KRT16: variants seen among roughly 807,000 people sequenced by gnomAD.
KRT16 encodes the protein keratin, type I cytoskeletal 16.
Under a neutral mutation model 44.8 loss-of-function variants are expected in KRT16, and 42 were observed. That is an observed-to-expected ratio of 0.94 (90% CI 0.73 to 1.21). The LOEUF (loss-of-function observed/expected upper bound fraction) is 1.21, where lower values mean the gene tolerates loss of function less well. KRT16 is among the 50% of genes most tolerant of loss of function. The pLI is 0.00. For synonymous variants in KRT16, 226 were observed against 260.4 expected (o/e 0.87, Z 1.27); for missense variants, 561 against 626.9 (o/e 0.89, Z 1.12).
At position 41,609,788 on chromosome 17, in the gene KRT16, C is replaced by T. The variant is rs533268251; in HGVS notation, c.*147G>A. On this transcript the variant is annotated 3_prime_UTR_variant, in exon 8 of 8. Transcript: ENST00000301653. Reference sequence around the variant, plus strand: ...CAGAGATCACACAGGTTTGCATCAACCAGAAAGTCAGCTTTATTAGCCCAC... The same window carrying T: ...CAGAGATCACACAGGTTTGCATCAATCAGAAAGTCAGCTTTATTAGCCCAC... 8 of 721,132 alleles carry T rather than the reference C, an allele frequency of 1.1e-5. No homozygotes were observed. Among genetic ancestry groups the T allele is most frequent in the Middle Eastern group, 3.6e-4 (1 of 2,778 alleles). The allele number at this position is 721,132 out of a possible 1,614,324, so 44.7% of individuals were successfully genotyped here. A position where few individuals can be genotyped will look rare whatever the true frequency, so the allele number is the denominator to read the frequency against.
rs754709110 is a variant in KRT16 at position 41,610,507 on chromosome 17, G to A, written c.1104C>T (p.Tyr368=). ...CCTGGATCTGGGACAGCTGCATGCA[G>A]TAGCGGCCTTTGGTCTCCTCCAGGC... ...ENSLEETKGR[Y]CMQLSQIQGL... is the part of the protein sequence containing the mutation. The change falls in exon 6 of 8, where the codon TAC becomes TAT. Residue 368 remains tyrosine, a synonymous_variant. Coordinates refer to ENST00000301653, the MANE Select transcript of KRT16 (RefSeq NM_005557.4). 5.6e-6 allele frequency: 9 copies of A among 1,612,140 alleles called. No individual in the cohort carries two copies. The highest frequency in any genetic ancestry group is 1.7e-5 in the Admixed American group (1 of 60,022).
rs201459436 is a variant in KRT16, at chr17:41,610,936, A to C, written c.977T>G (p.Val326Gly). The change falls in exon 5 of 8, where the codon GTA becomes GGA. Residue 326 changes from valine to glycine, a missense_variant. Coordinates refer to ENST00000301653, the MANE Select transcript of KRT16 (RefSeq NM_005557.4). ...NKEVASNSEL[V>G]QSSRSEVTEL... ...CGTCACCTCACTGCGGCTGCTCTGT[A>C]CCAGTTCGCTGTTGGAGGCCACTTC... 6.2e-7 allele frequency: 1 copy of C among 1,614,064 alleles called. No homozygotes were observed. Among genetic ancestry groups the C allele is most frequent in the African/African-American group, 1.3e-5 (1 of 75,012 alleles).
In KRT16 at chr17:41,612,611, G is replaced by A. The variant is rs374940369; in HGVS notation, c.78C>T (p.Gly26=). 2.8e-5 allele frequency: 44 copies of A among 1,594,784 alleles called. No homozygotes were observed. Among genetic ancestry groups the A allele is most frequent in the South Asian group, 2.6e-4 (23 of 89,160 alleles). ...GGACGGAGGAGATGCGGCTGGAGCC[G>A]CCCCCGATGCCGCCTCCGATGCCGC... ...GSCGIGGGIG[G]GSSRISSVLA... is the part of the protein sequence containing the mutation. Residue 26 remains glycine (G), a synonymous_variant, in exon 1 of 8, where the codon GGC becomes GGT. Coordinates refer to ENST00000301653, the MANE Select transcript of KRT16 (RefSeq NM_005557.4).
rs372994057 is a variant in KRT16, at chr17:41,611,235, G to A, written c.772-5C>T. 7 of 1,613,994 alleles carry A rather than the reference G, an allele frequency of 4.3e-6. No individual in the cohort carries two copies. The highest frequency in any genetic ancestry group is 2.2e-5 in the East Asian group (1 of 44,888). ...ACCTCTCAGAGCAAGCATCTCCTGG[G>A]AAGGGATGGCAGGAGGCGGTCAGTT... is the stretch of plus-strand genomic sequence containing the variant. On this transcript the variant is annotated splice_polypyrimidine_tract_variant and splice_region_variant and intron_variant, in intron 3 of 7. Coordinates refer to ENST00000301653, the MANE Select transcript of KRT16 (RefSeq NM_005557.4).
chr17:41,611,409 T>A lies in KRT16; in HGVS notation c.707A>T (p.Asp236Val). The change falls in exon 3 of 8, where the codon GAC becomes GTC. Residue 236 changes from aspartate (D) to valine (V), a missense_variant. Asp to Val is a radical substitution (Grantham distance 152, BLOSUM62 -3). Coordinates refer to ENST00000301653, the MANE Select transcript of KRT16 (RefSeq NM_005557.4). Reference protein sequence around the residue: ...VLDELTLARTDLEMQIEGLKE... With the variant: ...VLDELTLARTVLEMQIEGLKE... ...CAGGCCTTCGATCTGCATCTCCAGG[T>A]CAGTCCTGGCCAGGGTCAGCTCATC... 1 of 1,614,190 alleles carries A rather than the reference T, an allele frequency of 6.2e-7. No individual in the cohort carries two copies.
In KRT16 at chr17:41,610,224, C is replaced by T; in HGVS notation, c.1293G>A (p.Gln431=). The T allele has an allele frequency of 6.2e-7, 1 of 1,613,964 alleles. No homozygotes were observed. The highest frequency in any genetic ancestry group is 8.5e-7 in the Non-Finnish European group (1 of 1,179,848). The change falls in exon 7 of 8, where the codon CAG becomes CAA. Residue 431 remains glutamine (Q), a synonymous_variant. Coordinates refer to ENST00000301653, the MANE Select transcript of KRT16 (RefSeq NM_005557.4). The part of the protein sequence containing the change: ...LEGEDAHLSS[Q]QASGQSYSSR... The stretch of plus-strand genomic sequence containing the variant: ...AAGAATAGGATTGGCCAGATGCTTG[C>T]TGGGAGGAAAGGCTGTGGGAGAGAA...
intron 7 of KRT16, 50 bp from the exon 8 acceptor site, chr17:41,610,079 C>G (rs2144601769): frequency 6.3e-7 from 1 of 1,579,996 alleles, no homozygotes; most frequent in African/African-American, 1.3e-5. Flanking sequence ...GCTAAGCTGA[C>G]TCCAGGGCAG....
rs1458432885 is a variant in KRT16 at position 41,611,162 on chromosome 17, C to T, written c.840G>A (p.Val280=). The T allele has an allele frequency of 6.2e-7, 1 of 1,614,020 alleles. No individual in the cohort carries two copies. The highest frequency in any genetic ancestry group is 8.5e-7 in the Non-Finnish European group (1 of 1,179,876). ...VNVEMDAAPG[V]DLSRILNEMR... ...TCTCATTCAGGATGCGGCTCAGGTC[C>T]ACGCCAGGTGCAGCATCCATCTCCA... The change falls in exon 4 of 8, where the codon GTG becomes GTA. Residue 280 remains valine (V), a synonymous_variant. Transcript: ENST00000301653.
At chr17:41,610,129 GC>G in intron 7 of KRT16, 60 bp downstream of exon 7, 3 of 1,604,322 alleles carry the variant, frequency 1.9e-6, no homozygotes, top group Non-Finnish European at 1.7e-6. Flanking sequence ...GAAGGGCCCA[GC>G]CCCCACTCCA....
rs1274095481 is a variant in KRT16 at position 41,612,714 on chromosome 17, T to C, written c.-26A>G. ...GGTGCCAAGGAGGGAGGTGAGCGAG[T>C]GAGCAGTTGGCTGAAAGAAGGAAAG... is the stretch of plus-strand genomic sequence containing the variant. On this transcript the variant is annotated 5_prime_UTR_variant, in exon 1 of 8. Coordinates refer to ENST00000301653, the MANE Select transcript of KRT16 (RefSeq NM_005557.4). 1.9e-6 allele frequency: 3 copies of C among 1,567,092 alleles called. No individual in the cohort carries two copies. Among genetic ancestry groups the C allele is most frequent in the East Asian group, 2.3e-5 (1 of 42,786 alleles).
rs766744891 is a variant in KRT16, at chr17:41,612,112, T to G, written c.531+46A>C. 11 of 1,609,452 alleles carry G rather than the reference T, an allele frequency of 6.8e-6. No homozygotes were observed. The African/African-American group carries it at 1.3e-4, about 20-fold the overall frequency. On this transcript the variant is annotated intron_variant, in intron 1 of 7. Coordinates refer to ENST00000301653, the MANE Select transcript of KRT16 (RefSeq NM_005557.4). ...TAAAAAGAGGTATCCCAAGGGCCAC[T>G]GTAGCCCCAGCCTCTCTCAGTGCTC...
At position 41,612,198 on chromosome 17, in the gene KRT16, T is replaced by C. The variant is rs776917664; in HGVS notation, c.491A>G (p.Tyr164Cys). 1.1e-5 allele frequency: 18 copies of C among 1,612,716 alleles called. No individual in the cohort carries two copies. In the South Asian group the frequency reaches 1.4e-4, roughly 13 times the overall value. The change falls in exon 1 of 8, where the codon TAC (tyrosine) becomes TGC (cysteine). Residue 164 changes from tyrosine (Y) to cysteine (C), a missense_variant. By Grantham distance (194) the Tyr-to-Cys change is radical (BLOSUM62 -2). Coordinates refer to ENST00000301653, the MANE Select transcript of KRT16 (RefSeq NM_005557.4). ...CTCGATGGTCTTGAAGTAGGGACTG[T>C]AGTCTTTGATCTCACTGGGCCGCTG... ...QRQRPSEIKDYSPYFKTIEDL... is the reference protein window; with the variant it reads ...QRQRPSEIKDCSPYFKTIEDL...
chr17:41,612,400 C>A lies in KRT16; in HGVS notation c.289G>T (p.Gly97Cys). 2.5e-6 allele frequency: 4 copies of A among 1,614,140 alleles called. No individual in the cohort carries two copies. The highest frequency in any genetic ancestry group is 3.4e-6 in the Non-Finnish European group (4 of 1,180,034). Reference protein sequence around the residue: ...GGGLGAGFGGGLGAGFGGGFA... With the variant: ...GGGLGAGFGGCLGAGFGGGFA... ...CCACCACCAAAGCCAGCACCCAAGC[C>A]ACCACCGAAGCCAGCACCAAGGCCA... The change falls in exon 1 of 8, where the codon GGC becomes TGC. Residue 97 changes from glycine to cysteine, a missense_variant. By Grantham distance (159) the Gly-to-Cys change is radical. Transcript: ENST00000301653.
At chr17:41,611,606 C>T in intron 2 of KRT16, 33 bp downstream of exon 2, 1 of 1,608,770 alleles carries the variant, frequency 6.2e-7, no homozygotes, top group Middle Eastern at 2.2e-4. Flanking sequence ...GTCCCTTGCC[C>T]TCTGCCCCCA....
intron 1 of KRT16, 169 bp downstream of exon 1, chr17:41,611,989 C>A: frequency 1.1e-6 from 1 of 916,756 alleles, no homozygotes; most frequent in Non-Finnish European, 1.8e-6. Context: ...AGTCCGGGCA[C>A]AGAGATACTG....
rs1417455511 is a variant in KRT16 at position 41,611,482 on chromosome 17, G to A, written c.634C>T (p.Leu212=). The A allele has an allele frequency of 1.9e-6, 3 of 1,613,880 alleles. No homozygotes were observed. The highest frequency in any genetic ancestry group is 1.7e-5 in the Admixed American group (1 of 60,010). Residue 212 remains leucine (L), a synonymous_variant, in exon 3 of 8, where the codon CTG becomes TTG. Transcript: ENST00000301653. Reference sequence around the variant, plus strand: ...ACGTCGGCCTCCACAGTCTGCCGCAGGGCCAGTTCATGCTCATACCTGGCA... The same window carrying A: ...ACGTCGGCCTCCACAGTCTGCCGCAAGGCCAGTTCATGCTCATACCTGGCA... ...FRTKYEHELA[L]RQTVEADVNG...
In KRT16 at chr17:41,610,366, G is replaced by A; in HGVS notation, c.1245C>T (p.Ala415=). The A allele has an allele frequency of 6.2e-7, 1 of 1,612,670 alleles. No homozygotes were observed. The highest frequency in any genetic ancestry group is 8.5e-7 in the Non-Finnish European group (1 of 1,179,872). The change falls in exon 6 of 8, where the codon GCC becomes GCT. Residue 415 remains alanine, a synonymous_variant. Transcript: ENST00000301653. The part of the protein sequence containing the change: ...DVKTRLEQEI[A]TYRRLLEGED... The stretch of plus-strand genomic sequence containing the variant: ...CGCCCTCCAGCAGGCGGCGGTAGGT[G>A]GCAATCTCCTGCTCCAGCCGCGTCT...
intron 2 of KRT16, 44 bp from the exon 3 acceptor site, chr17:41,611,545 T>G: frequency 6.2e-7 from 1 of 1,611,470 alleles, no homozygotes. Flanking sequence ...GCCCTGAGGA[T>G]TCTGAGGCTC....
Position 41,611,715 on chromosome 17 carries a change from C to T in KRT16, c.538G>A (p.Ala180Thr), listed in dbSNP as rs1194350162. Residue 180 changes from alanine to threonine, a missense_variant, in exon 2 of 8, where the codon GCG (alanine) becomes ACG (threonine). Ala to Thr is a moderately conservative substitution (Grantham distance 58). Coordinates refer to ENST00000301653, the MANE Select transcript of KRT16 (RefSeq NM_005557.4). ...GGCTGCGCATTCTCAATGGTGGCCGCAATGATCTGGAGTGGGGATGGAGGA... is the reference window on the plus strand; with the variant it reads ...GGCTGCGCATTCTCAATGGTGGCCGTAATGATCTGGAGTGGGGATGGAGGA... Reference protein sequence around the residue: ...TIEDLRNKIIAATIENAQPIL... With the variant: ...TIEDLRNKIITATIENAQPIL... 1 of 1,610,204 alleles carries T rather than the reference C, an allele frequency of 6.2e-7. No homozygotes were observed. The highest frequency in any genetic ancestry group is 1.1e-5 in the South Asian group (1 of 90,448).
Sources: allele counts gnomAD v4.1 joint callset, GRCh38; gene constraint gnomAD v4.1.1; transcripts MANE v1.5; gene names NCBI Gene and HGNC (gene_info 2026-07-23, HGNC 2026-07-21).